Variants in FEM1B observed in about 807,000 individuals in gnomAD.
FEM1B encodes the protein protein fem-1 homolog B.
Under a neutral mutation model 38.6 loss-of-function variants are expected in FEM1B, and 10 were observed. The ratio of observed to expected loss-of-function variants is 0.26; its 90% CI spans 0.16 to 0.44. The LOEUF is 0.44. FEM1B is among the 20% of genes least tolerant of loss of function. The pLI is 1.00. For missense variants in FEM1B, 471 were observed against 786.7 expected (o/e 0.60, Z 4.80); for synonymous variants, 288 against 288.0 (o/e 1.00, Z 0.00).
rs1253822169 is a variant in FEM1B, at chr15:68,290,334, A to T, written c.976A>T (p.Met326Leu). The T allele has an allele frequency of 3.7e-6, 6 of 1,614,020 alleles. No individual in the cohort carries two copies. Among genetic ancestry groups the T allele is most frequent in the Non-Finnish European group, 4.2e-6 (5 of 1,179,982 alleles). The change falls in exon 2 of 2, where the codon ATG becomes TTG. Residue 326 changes from methionine to leucine, a missense_variant. Coordinates refer to ENST00000306917, the MANE Select transcript of FEM1B (RefSeq NM_015322.5). This position sits in a 1 kb window ranked among gnomAD's most constrained non-coding sequence, Gnocchi z 9.7. ...TCGGCAAGACAGAGATGCTCTTCAT[A>T]TGGAAGGCCTTATAGTTCGGGAACG... ...SIRQDRDALH[M>L]EGLIVRERIL...
Position 68,278,581 on chromosome 15 carries a change from G to A in FEM1B, c.164G>A (p.Arg55His), listed in dbSNP as rs564202155. The A allele has an allele frequency of 6.2e-7, 1 of 1,614,098 alleles. No individual in the cohort carries two copies. Among genetic ancestry groups the A allele is most frequent in the African/African-American group, 1.3e-5 (1 of 75,030 alleles). The change falls in exon 1 of 2, where the codon CGC (arginine) becomes CAC (histidine). Residue 55 changes from arginine (R) to histidine (H), a missense_variant. Coordinates refer to ENST00000306917, the MANE Select transcript of FEM1B (RefSeq NM_015322.5). The surrounding 1 kb of genome is among the most constrained non-coding windows in gnomAD (Gnocchi z 5.7). Reference sequence around the variant, plus strand: ...TCCACGCCCCTCATCATCGCAGCCCGCAATGGACACGCAAAGGTGGTACGC... The same window carrying A: ...TCCACGCCCCTCATCATCGCAGCCCACAATGGACACGCAAAGGTGGTACGC... ...QRSTPLIIAA[R>H]NGHAKVVRLL... is the part of the protein sequence containing the mutation.
rs1167506846 is a variant in FEM1B at position 68,295,744 on chromosome 15, G to GAGTC, written c.*4504_*4507dup. ...ATTTTCTATTTGAGTTTGACATGTA[G>GAGTC]AGTCATTTTTAGTTTCATGGCAATT... On this transcript the variant is annotated 3_prime_UTR_variant, in exon 2 of 2. Transcript: ENST00000306917. 3 of 152,134 alleles carry GAGTC rather than the reference G, an allele frequency of 2.0e-5. No homozygotes were observed. Among genetic ancestry groups the GAGTC allele is most frequent in the Non-Finnish European group, 4.4e-5 (3 of 68,022 alleles). The allele number at this position is 152,134 out of a possible 1,614,324, so 9.4% of individuals were successfully genotyped here.
At chr15:68,285,300 T>A (rs1180889356) in intron 1 of FEM1B, among the ~76,000 whole-genome samples, 2 of 152,228 alleles carry the variant, frequency 1.3e-5, no homozygotes, top group Non-Finnish European at 2.9e-5. Context: ...AGTGTTTGAC[T>A]GTTATGAATA....
chr15:68,279,144 A>G (rs1892700013), intron 1 of FEM1B, among the ~76,000 whole-genome samples: 1 of 152,182 alleles, frequency 6.6e-6, no homozygotes, highest in South Asian at 2.1e-4. Context: ...GCTGGGCTTT[A>G]ATGTCAAAAT....
In FEM1B at chr15:68,289,792, C is replaced by T; in HGVS notation, c.434C>T (p.Ala145Val). ...GTGAAATACTTGGTTGAAAATAATG[C>T]CAACATCAGCATTGCCAACAAATAT... ...DIVKYLVENNANISIANKYDN... is the reference protein window; with the variant it reads ...DIVKYLVENNVNISIANKYDN... Residue 145 changes from alanine to valine, a missense_variant, in exon 2 of 2, where the codon GCC (alanine) becomes GTC (valine). Around this residue, in one of 3 missense-constraint regions of FEM1B, gnomAD observed 380 missense variants for 599.6 expected, o/e 0.63. Transcript: ENST00000306917. This position sits in a 1 kb window ranked among gnomAD's most constrained non-coding sequence, Gnocchi z 6.9. 1 of 1,614,128 alleles carries T rather than the reference C, an allele frequency of 6.2e-7. No individual in the cohort carries two copies. Among genetic ancestry groups the T allele is most frequent in the Non-Finnish European group, 8.5e-7 (1 of 1,180,006 alleles).
Position 68,278,822 on chromosome 15 carries a change from C to T in FEM1B, c.248+157C>T, listed in dbSNP as rs1016812057. Among the ~76,000 whole-genome samples the T allele has an allele frequency of 1.3e-5, 2 of 152,146 alleles. No individual in the cohort carries two copies. Among genetic ancestry groups the T allele is most frequent in the East Asian group, 3.9e-4 (2 of 5,188 alleles). On this transcript the variant is annotated intron_variant, in intron 1 of 1. Transcript: ENST00000306917. The surrounding 1 kb of genome is among the most constrained non-coding windows in gnomAD (Gnocchi z 5.7). ...GCCCCACTAATGCCCACTTCATCTT[C>T]CAGGGCTAATAATCCATCCCATGTT...
rs1251663756 is a variant in FEM1B, at chr15:68,295,798, A to C, written c.*4556A>C. 1 of 152,202 alleles carries C rather than the reference A, an allele frequency of 6.6e-6. No individual in the cohort carries two copies. Among genetic ancestry groups the C allele is most frequent in the Non-Finnish European group, 1.5e-5 (1 of 68,034 alleles). The allele number at this position is 152,202 out of a possible 1,614,324, so 9.4% of individuals were successfully genotyped here. A position where few individuals can be genotyped will look rare whatever the true frequency, so the allele number is the denominator to read the frequency against. On this transcript the variant is annotated 3_prime_UTR_variant, in exon 2 of 2. Transcript: ENST00000306917. ...AGTCCTAATAACTCAGCTAATTTGA[A>C]ACTAACAATCTTGCTGTGTAAAAGG...
In FEM1B at chr15:68,281,760, G is replaced by T. The variant is rs1280457630; in HGVS notation, c.248+3095G>T. Among the ~76,000 whole-genome samples, 1 of 152,164 alleles carries T rather than the reference G, an allele frequency of 6.6e-6. No homozygotes were observed. The highest frequency in any genetic ancestry group is 2.4e-5 in the African/African-American group (1 of 41,436). ...AGCCTCCCGAGTAGCTGGGACTACA[G>T]GTGCCCACAACCATGCCTGGCTATT... On this transcript the variant is annotated intron_variant, in intron 1 of 1. Coordinates refer to ENST00000306917, the MANE Select transcript of FEM1B (RefSeq NM_015322.5). This position sits in a 1 kb window ranked among gnomAD's most constrained non-coding sequence, Gnocchi z 5.1.
At chr15:68,285,280 G>A (rs547055579) in intron 1 of FEM1B, among the ~76,000 whole-genome samples, 2,164 of 151,914 alleles carry the variant, frequency 0.014, 56 homozygotes, top group African/African-American at 0.049. Context: ...TTAATATTTT[G>A]GTTGTTTCCA....
intron 1 of FEM1B, among the ~76,000 whole-genome samples, chr15:68,282,135 C>T (rs1303663805): frequency 6.6e-6 from 1 of 151,916 alleles, no homozygotes; most frequent in Non-Finnish European, 1.5e-5. Flanking sequence ...ATTGTGCTGG[C>T]CTGAGTTCTG....
In FEM1B at chr15:68,283,990, A is replaced by G. The variant is rs961809238; in HGVS notation, c.248+5325A>G. 2.6e-5 allele frequency among the ~76,000 whole-genome samples: 4 copies of G among 151,888 alleles called. No homozygotes were observed. The East Asian group carries it at 5.8e-4, about 22-fold the overall frequency. ...AAACTCTGCCTCCCAGGTTCAAGCA[A>G]TTCTTCTGCCTCAGCCTCCCGAGTA... On this transcript the variant is annotated intron_variant, in intron 1 of 1. Transcript: ENST00000306917.
rs1892891504 is a variant in FEM1B, at chr15:68,295,215, G to A, written c.*3973G>A. 6.6e-6 allele frequency: 1 copy of A among 152,148 alleles called. No individual in the cohort carries two copies. Among genetic ancestry groups the A allele is most frequent in the Non-Finnish European group, 1.5e-5 (1 of 68,014 alleles). The allele number at this position is 152,148 out of a possible 1,614,324, so 9.4% of individuals were successfully genotyped here. A position where few individuals can be genotyped will look rare whatever the true frequency, so the allele number is the denominator to read the frequency against. ...ATGGTTATGGGGAGTGTATCTTGAT[G>A]TGTGTATAGGGGTAAGTATTGCTAA... is the stretch of plus-strand genomic sequence containing the variant. On this transcript the variant is annotated 3_prime_UTR_variant, in exon 2 of 2. Coordinates refer to ENST00000306917, the MANE Select transcript of FEM1B (RefSeq NM_015322.5).
chr15:68,279,102 A>C (rs183834847), intron 1 of FEM1B, among the ~76,000 whole-genome samples: 9 of 152,340 alleles, frequency 5.9e-5, no homozygotes, highest in Non-Finnish European at 1.0e-4. Flanking sequence ...ACTCCCTTCA[A>C]GTGAGTGGTT....
rs1351233540 is a variant in FEM1B, at chr15:68,290,482, A to C, written c.1124A>C (p.Gln375Pro). The change falls in exon 2 of 2, where the codon CAA becomes CCA. Residue 375 changes from glutamine to proline, a missense_variant. Transcript: ENST00000306917. The surrounding 1 kb of genome is among the most constrained non-coding windows in gnomAD (Gnocchi z 9.7). ...TGGCTTCATGCCCTGCACCTCAGAC[A>C]AAAAGGTAACAGGAACACCCACAAG... ...KLWLHALHLR[Q>P]KGNRNTHKDL... 2 of 1,614,036 alleles carry C rather than the reference A, an allele frequency of 1.2e-6. No homozygotes were observed.
At chr15:68,283,947 G>A (rs982380606) in intron 1 of FEM1B, among the ~76,000 whole-genome samples, 5 of 150,110 alleles carry the variant, frequency 3.3e-5, no homozygotes, top group Non-Finnish European at 5.9e-5. Context: ...GTGCAATGGC[G>A]TGATCTTGGC....
chr15:68,290,246 T>C lies in FEM1B; in HGVS notation c.888T>C (p.Leu296=). The part of the protein sequence containing the change: ...DGDNILEKEV[L]PPIHAYGNRT... ...ATAACATTCTCGAAAAAGAGGTTCT[T>C]CCACCAATCCATGCTTATGGGAATA... Residue 296 remains leucine, a synonymous_variant, in exon 2 of 2, where the codon CTT becomes CTC. Transcript: ENST00000306917. This position sits in a 1 kb window ranked among gnomAD's most constrained non-coding sequence, Gnocchi z 9.7. 4 of 1,614,120 alleles carry C rather than the reference T, an allele frequency of 2.5e-6. No individual in the cohort carries two copies. The highest frequency in any genetic ancestry group is 3.4e-6 in the Non-Finnish European group (4 of 1,180,020).
intron 1 of FEM1B, among the ~76,000 whole-genome samples, chr15:68,286,959 C>T (rs1165831094): frequency 1.3e-5 from 2 of 149,086 alleles, no homozygotes; most frequent in Non-Finnish European, 2.9e-5. Flanking sequence ...GCAATCTCAG[C>T]TCACTGCAAC....
Position 68,292,958 on chromosome 15 carries a change from G to A in FEM1B, c.*1716G>A, listed in dbSNP as rs915656083. The stretch of plus-strand genomic sequence containing the variant: ...TTGTCTTCTTGCTTCAGTTAGGAAG[G>A]TTTTGATGGTAAATTCTGTCATGGT... On this transcript the variant is annotated 3_prime_UTR_variant, in exon 2 of 2. Coordinates refer to ENST00000306917, the MANE Select transcript of FEM1B (RefSeq NM_015322.5). 1.3e-5 allele frequency: 2 copies of A among 152,132 alleles called. No individual in the cohort carries two copies. The highest frequency in any genetic ancestry group is 2.9e-5 in the Non-Finnish European group (2 of 68,002). The allele number at this position is 152,132 out of a possible 1,614,324, so 9.4% of individuals were successfully genotyped here.
At position 68,288,787 on chromosome 15, in the gene FEM1B, T is replaced by C. The variant is rs1595841323; in HGVS notation, c.249-820T>C. On this transcript the variant is annotated intron_variant, in intron 1 of 1. Coordinates refer to ENST00000306917, the MANE Select transcript of FEM1B (RefSeq NM_015322.5). This position sits in a 1 kb window ranked among gnomAD's most constrained non-coding sequence, Gnocchi z 4.6. ...AGCAGTATATGCACACACATATACATATACATTTTAAAACTTTTAAATTGG... is the reference window on the plus strand; with the variant it reads ...AGCAGTATATGCACACACATATACACATACATTTTAAAACTTTTAAATTGG... 1.3e-5 allele frequency among the ~76,000 whole-genome samples: 2 copies of C among 152,200 alleles called. No homozygotes were observed. Among genetic ancestry groups the C allele is most frequent in the East Asian group, 3.9e-4 (2 of 5,190 alleles).
Sources: allele counts gnomAD v4.1 joint callset (sites outside exome capture counted in the v4.1 genomes callset), GRCh38; gene constraint gnomAD v4.1.1; regional missense constraint gnomAD v4.1.1; non-coding constraint Gnocchi (gnomAD v3.1); transcripts MANE v1.5; gene names NCBI Gene and HGNC (gene_info 2026-07-23, HGNC 2026-07-21).